The following NRCAM variants were observed in gnomAD, a reference collection of about 807,000 sequenced individuals.
The protein encoded by NRCAM is neuronal cell adhesion molecule.
A neutral mutation model predicts 156.5 loss-of-function variants in NRCAM; 83 were observed. The ratio of observed to expected loss-of-function variants is 0.53; its 90% CI spans 0.44 to 0.64. The LOEUF (loss-of-function observed/expected upper bound fraction) is 0.64. Ranked by LOEUF, NRCAM falls within the 30% of genes least tolerant of loss-of-function variation. NRCAM has a pLI of 0.00. For synonymous variants in NRCAM, 538 were observed against 563.9 expected, an observed-to-expected ratio of 0.95 and a Z score of 0.65; for missense variants, 1,417 against 1,597.3, an observed-to-expected ratio of 0.89 and a Z score of 1.92.
intron 2 of NRCAM, among the ~76,000 whole-genome samples, chr7:108,379,188 G>A (rs1371320019): frequency 6.6e-6 from 1 of 152,052 alleles, no homozygotes; most frequent in African/African-American, 2.4e-5. Context: ...AGGTGCCCAA[G>A]AACTGCAGAT....
At chr7:108,301,145 G>T (rs28634954) in intron 3 of NRCAM, among the ~76,000 whole-genome samples, 34,443 of 151,964 alleles carry the variant, frequency 0.23, 4,222 homozygotes, top group African/African-American at 0.28. Flanking sequence ...AATCTGCAAA[G>T]AATTCTATAT....
intron 3 of NRCAM, among the ~76,000 whole-genome samples, chr7:108,296,994 A>T (rs2098465572): frequency 6.6e-6 from 1 of 152,184 alleles, no homozygotes; most frequent in Non-Finnish European, 1.5e-5. Flanking sequence ...CTTTGAGAAC[A>T]AGCATTTTTA....
chr7:108,294,936 A>G (rs1422097708), intron 3 of NRCAM, among the ~76,000 whole-genome samples: 2 of 152,176 alleles, frequency 1.3e-5, no homozygotes, highest in Non-Finnish European at 2.9e-5. Context: ...TAGTATCCCT[A>G]AAGTCCACAT....
Position 108,226,378 on chromosome 7 carries a change from G to T in NRCAM, c.551C>A (p.Ser184Tyr), listed in dbSNP as rs1196684503. The T allele has an allele frequency of 6.2e-7, 1 of 1,609,558 alleles. No homozygotes were observed. Among genetic ancestry groups the T allele is most frequent in the South Asian group, 1.1e-5 (1 of 90,428 alleles). ...CTCACTTTGTGGAAGTCTTTGAAAG[G>T]CTGGAGAAAGGCAGAGAGATATCAA... Reference protein sequence around the residue: ...PPPIIFWMDNSFQRLPQSERV... With the variant: ...PPPIIFWMDNYFQRLPQSERV... Residue 184 changes from serine to tyrosine, a missense_variant and splice_region_variant, in exon 9 of 33, where the codon TCC becomes TAC. By Grantham distance (144) the Ser-to-Tyr change is moderately radical. Transcript: ENST00000379028.
intron 28 of NRCAM, among the ~76,000 whole-genome samples, chr7:108,174,967 T>C (rs945313197): frequency 6.6e-6 from 1 of 152,216 alleles, no homozygotes; most frequent in East Asian, 1.9e-4. Context: ...GCTGTTTTCA[T>C]CACAGGGCTA....
At chr7:108,422,916 T>G (rs755938371) in intron 1 of NRCAM, among the ~76,000 whole-genome samples, 3 of 152,116 alleles carry the variant, frequency 2.0e-5, no homozygotes, top group Non-Finnish European at 2.9e-5. Context: ...GGTGGTCCTC[T>G]CATTTCAGCC....
chr7:108,235,656 A>T (rs1290202450), intron 5 of NRCAM, among the ~76,000 whole-genome samples: 1 of 152,142 alleles, frequency 6.6e-6, no homozygotes, highest in East Asian at 1.9e-4. Flanking sequence ...TCTCTACCAG[A>T]GGCAATTTGT....
intron 1 of NRCAM, among the ~76,000 whole-genome samples, chr7:108,419,541 TG>T (rs1243356076): frequency 5.3e-5 from 1 of 18,832 alleles, no homozygotes; most frequent in Non-Finnish European, 9.8e-5. Context: ...TTCATGAGTT[TG>T]GCAGTATATA....
chr7:108,419,075 G>T (rs1359655009), intron 1 of NRCAM, among the ~76,000 whole-genome samples: 2 of 152,112 alleles, frequency 1.3e-5, no homozygotes, highest in African/African-American at 4.8e-5. Flanking sequence ...GCTCTGGTTA[G>T]GGCTTATCGT....
At chr7:108,449,021 G>A (rs1847512055) in intron 1 of NRCAM, among the ~76,000 whole-genome samples, 1 of 152,170 alleles carries the variant, frequency 6.6e-6, no homozygotes, top group African/African-American at 2.4e-5. Flanking sequence ...GCAATTAGGG[G>A]GAACAAGTGC....
Position 108,300,555 on chromosome 7 carries a change from C to A in NRCAM, c.-107+12110G>T, listed in dbSNP as rs371392021. Among the ~76,000 whole-genome samples, 37 of 152,160 alleles carry A rather than the reference C, an allele frequency of 2.4e-4. 1 individual carries two copies. The South Asian group carries it at 7.7e-3, about 32-fold the overall frequency. ...CCATGTTGTGTTAAACTAGGGACACCATTGAAAAGACTAAGTCAAATTTCC... is the reference window on the plus strand; with the variant it reads ...CCATGTTGTGTTAAACTAGGGACACAATTGAAAAGACTAAGTCAAATTTCC... On this transcript the variant is annotated intron_variant, in intron 3 of 32. Coordinates refer to ENST00000379028, the MANE Select transcript of NRCAM (RefSeq NM_001037132.4).
At chr7:108,231,864 G>A (rs1334670186) in intron 7 of NRCAM, among the ~76,000 whole-genome samples, 1 of 152,012 alleles carries the variant, frequency 6.6e-6, no homozygotes, top group Non-Finnish European at 1.5e-5. Flanking sequence ...AGAGGATTTT[G>A]GTACTAACCA....
chr7:108,318,805 A>C (rs1353946962), intron 2 of NRCAM, among the ~76,000 whole-genome samples: 1 of 152,196 alleles, frequency 6.6e-6, no homozygotes, highest in Non-Finnish European at 1.5e-5. Context: ...CTAGCCCTGG[A>C]ACAGCCTCCA....
chr7:108,166,248 C>CTTTTTTT (rs1034778488), intron 30 of NRCAM, among the ~76,000 whole-genome samples: 1 of 130,072 alleles, frequency 7.7e-6, no homozygotes, highest in Non-Finnish European at 1.6e-5. Flanking sequence ...TCTTTCTTTT[C>CTTTTTTT]TTTTTTTTTT....
intron 29 of NRCAM, among the ~76,000 whole-genome samples, chr7:108,167,667 A>T (rs2055520843): frequency 6.6e-6 from 1 of 152,196 alleles, no homozygotes; most frequent in Non-Finnish European, 1.5e-5. Flanking sequence ...CATTTGTTCT[A>T]TGTAAGCACA....
chr7:108,425,794 A>G (rs1374340321), intron 1 of NRCAM, among the ~76,000 whole-genome samples: 1 of 152,198 alleles, frequency 6.6e-6, no homozygotes, highest in Non-Finnish European at 1.5e-5. Context: ...TTGACACTGT[A>G]CATTGTCTAG....
At chr7:108,370,896 C>T (rs2099624217) in intron 2 of NRCAM, among the ~76,000 whole-genome samples, 1 of 152,098 alleles carries the variant, frequency 6.6e-6, no homozygotes, top group Admixed American at 6.6e-5. Context: ...AATAATATTT[C>T]TCCAACCAGG....
At chr7:108,220,402 C>T (rs1281412561) in intron 11 of NRCAM, among the ~76,000 whole-genome samples, 2 of 152,052 alleles carry the variant, frequency 1.3e-5, no homozygotes, top group African/African-American at 4.8e-5. Context: ...CAAGACTAAG[C>T]AAAAAGAACA....
chr7:108,203,648 G>A (rs183820608), intron 13 of NRCAM, among the ~76,000 whole-genome samples: 25 of 152,308 alleles, frequency 1.6e-4, no homozygotes, highest in Admixed American at 1.3e-3. Context: ...TCGCCTGCAA[G>A]TCAGGAGTGG....
Sources: allele counts gnomAD v4.1 joint callset (sites outside exome capture counted in the v4.1 genomes callset), GRCh38; gene constraint gnomAD v4.1.1; transcripts MANE v1.5; gene names NCBI Gene and HGNC (gene_info 2026-07-23, HGNC 2026-07-21).